The following CELF4 variants were observed in gnomAD, a reference collection of about 807,000 sequenced individuals.
The protein encoded by CELF4 is CUGBP Elav-like family member 4.
Under a neutral mutation model 59.9 loss-of-function variants are expected in CELF4, and 18 were observed. The observed-to-expected ratio is 0.30, with a 90% CI of 0.21 to 0.45. The LOEUF (loss-of-function observed/expected upper bound fraction) is 0.45. Ranked by LOEUF, CELF4 falls within the 20% of genes least tolerant of loss-of-function variation. The probability of loss-of-function intolerance (pLI) is 1.00; values close to 1 mark genes in which losing one functional copy is unlikely to be tolerated. For synonymous variants in CELF4, 261 were observed against 267.1 expected, an observed-to-expected ratio of 0.98 and a Z score of 0.22; for missense variants, 456 against 689.0, an observed-to-expected ratio of 0.66 and a Z score of 3.79.
intron 10 of CELF4, 81 bp downstream of exon 10, chr18:37,264,593 C>T: frequency 4.8e-6 from 6 of 1,248,142 alleles, no homozygotes; most frequent in Non-Finnish European, 6.8e-6. Context: ...CAACGCACAC[C>T]CCAGCCCAAG....
chr18:37,275,285 G>T, intron 3 of CELF4, 42 bp from the exon 4 acceptor site: 2 of 1,610,978 alleles, frequency 1.2e-6, no homozygotes, highest in South Asian at 2.2e-5. Context: ...CCAGGGACCG[G>T]GCTGCGCGGG....
intron 3 of CELF4, among the ~76,000 whole-genome samples, chr18:37,283,872 C>T (rs2094433677): frequency 1.1e-5 from 1 of 87,136 alleles, no homozygotes. Context: ...CGTGCAAAAG[C>T]AGGGAGTGTG....
At chr18:37,401,059 C>T (rs1266987475) in intron 2 of CELF4, among the ~76,000 whole-genome samples, 1 of 152,166 alleles carries the variant, frequency 6.6e-6, no homozygotes, top group Non-Finnish European at 1.5e-5. Flanking sequence ...TCCTTGGCTG[C>T]TTCTGCTGGG....
chr18:37,492,686 C>A (rs2099910013), intron 1 of CELF4, among the ~76,000 whole-genome samples: 1 of 152,164 alleles, frequency 6.6e-6, no homozygotes, highest in Non-Finnish European at 1.5e-5. Context: ...CGGCTGGAGT[C>A]TACACAGCCT....
At chr18:37,395,243 C>A (rs2099228718) in intron 2 of CELF4, among the ~76,000 whole-genome samples, 1 of 152,118 alleles carries the variant, frequency 6.6e-6, no homozygotes, top group African/African-American at 2.4e-5. Flanking sequence ...CACTTACAAC[C>A]CACGGTCCTG....
chr18:37,385,140 A>G (rs1049835946), intron 2 of CELF4, among the ~76,000 whole-genome samples: 1 of 152,102 alleles, frequency 6.6e-6, no homozygotes, highest in South Asian at 2.1e-4. Context: ...TGAGGTCAGG[A>G]GTTCGAGACC....
intron 12 of CELF4, among the ~76,000 whole-genome samples, chr18:37,248,171 C>T (rs1013811643): frequency 2.0e-5 from 3 of 152,174 alleles, no homozygotes; most frequent in Admixed American, 2.0e-4. Flanking sequence ...CCCGTTTCTG[C>T]TCCACCTCAA....
intron 11 of CELF4, 112 bp downstream of exon 11, chr18:37,259,069 C>A (rs757929431): frequency 1.3e-6 from 2 of 1,546,540 alleles, no homozygotes; most frequent in South Asian, 1.2e-5. Context: ...TAGGTTGGTG[C>A]GAGCACCGCC....
At chr18:37,444,790 C>T (rs1377019598) in intron 2 of CELF4, among the ~76,000 whole-genome samples, 1 of 152,104 alleles carries the variant, frequency 6.6e-6, no homozygotes, top group African/African-American at 2.4e-5. Context: ...ACGAGGCTCC[C>T]CATTCCCTTC....
chr18:37,428,984 G>A (rs1237691735), intron 2 of CELF4, among the ~76,000 whole-genome samples: 2 of 152,208 alleles, frequency 1.3e-5, no homozygotes, highest in Admixed American at 1.3e-4. Flanking sequence ...ATCTAGAGTG[G>A]TGGTTCCCAA....
intron 2 of CELF4, among the ~76,000 whole-genome samples, chr18:37,326,192 G>C (rs1345834032): frequency 6.6e-6 from 1 of 152,204 alleles, no homozygotes; most frequent in Non-Finnish European, 1.5e-5. Context: ...TGAAGAGAAT[G>C]CCGGAGAGGG....
chr18:37,274,158 A>C (rs1786068), intron 6 of CELF4, 153 bp downstream of exon 6: 1,249,224 of 1,461,610 alleles, frequency 0.85, 535,030 homozygotes, highest in African/African-American at 0.94. Flanking sequence ...TCTGAAGTTA[A>C]ACCCCCCAGG....
intron 2 of CELF4, among the ~76,000 whole-genome samples, chr18:37,386,167 G>A (rs917501361): frequency 3.3e-5 from 5 of 152,080 alleles, no homozygotes; most frequent in African/African-American, 1.2e-4. Flanking sequence ...CACATACCCC[G>A]CTGTCCCCCT....
At chr18:37,269,935 C>T (rs1320874534) in intron 8 of CELF4, among the ~76,000 whole-genome samples, 2 of 152,190 alleles carry the variant, frequency 1.3e-5, no homozygotes, top group East Asian at 1.9e-4. Flanking sequence ...CTTACTGATA[C>T]TTACGGGGAC....
intron 12 of CELF4, among the ~76,000 whole-genome samples, chr18:37,247,949 G>A (rs1439580241): frequency 6.6e-6 from 1 of 152,204 alleles, no homozygotes; most frequent in East Asian, 1.9e-4. Context: ...TGGGCCAGCA[G>A]GGGATGTCTG....
rs2098799158 is a variant in CELF4 at position 37,367,454 on chromosome 18, G to T, written c.370-45573C>A. 2.0e-5 allele frequency among the ~76,000 whole-genome samples: 3 copies of T among 152,098 alleles called. No homozygotes were observed. The South Asian group carries it at 6.2e-4, about 32-fold the overall frequency. The stretch of plus-strand genomic sequence containing the variant: ...AGTGGGTTCCTGAGCTGGGGCAGGG[G>T]TGGGGATGGGGAGGACAGAGGGAAA... On this transcript the variant is annotated intron_variant, in intron 2 of 12. Transcript: ENST00000420428.
At chr18:37,301,372 A>G (rs953416391) in intron 3 of CELF4, among the ~76,000 whole-genome samples, 3 of 152,120 alleles carry the variant, frequency 2.0e-5, no homozygotes, top group Non-Finnish European at 4.4e-5. Flanking sequence ...GACGGCAGAG[A>G]TGGGGGCATG....
intron 2 of CELF4, among the ~76,000 whole-genome samples, chr18:37,387,087 G>A (rs760380902): frequency 7.2e-5 from 11 of 152,232 alleles, no homozygotes; most frequent in Non-Finnish European, 1.2e-4. Flanking sequence ...AGTGGAGGAT[G>A]TGGGGCTTTT....
chr18:37,462,918 A>G (rs181047772), intron 2 of CELF4, among the ~76,000 whole-genome samples: 2 of 152,168 alleles, frequency 1.3e-5, no homozygotes, highest in East Asian at 3.9e-4. Context: ...AAGATTGGGC[A>G]CCCTTGTTTT....
Sources: allele counts gnomAD v4.1 joint callset (sites outside exome capture counted in the v4.1 genomes callset), GRCh38; gene constraint gnomAD v4.1.1; transcripts MANE v1.5; gene names NCBI Gene and HGNC (gene_info 2026-07-23, HGNC 2026-07-21).